Variants in DCLK2 observed in about 807,000 individuals in gnomAD.
DCLK2 encodes the protein serine/threonine-protein kinase DCLK2.
A neutral mutation model predicts 78.4 loss-of-function variants in DCLK2; 31 were observed. The observed-to-expected ratio is 0.40, with a 90% confidence interval of 0.30 to 0.53. The LOEUF (loss-of-function observed/expected upper bound fraction) is 0.53. DCLK2 is among the 20% of genes least tolerant of loss of function. The probability of loss-of-function intolerance (pLI) is 0.61; values close to 1 mark genes in which losing one functional copy is unlikely to be tolerated. For synonymous variants in DCLK2, 407 were observed against 374.9 expected, an observed-to-expected ratio of 1.09 and a Z score of -0.99; for missense variants, 872 against 973.7, an observed-to-expected ratio of 0.90 and a Z score of 1.39.
chr4:150,203,690 G>T, intron 4 of DCLK2, 105 bp from the exon 5 acceptor site: 6 of 734,684 alleles, frequency 8.2e-6, no homozygotes, highest in Non-Finnish European at 1.0e-5. Context: ...AAAACGAGTT[G>T]AAGCTTCATT....
intron 2 of DCLK2, among the ~76,000 whole-genome samples, chr4:150,189,232 T>A (rs1264531697): frequency 1.7e-5 from 1 of 60,224 alleles, no homozygotes; most frequent in Non-Finnish European, 4.7e-5. Flanking sequence ...TAGATACATT[T>A]TTATTTGGCC....
chr4:150,151,924 C>CA (rs767846412), intron 2 of DCLK2, among the ~76,000 whole-genome samples: 21,636 of 130,980 alleles, frequency 0.17, 2,155 homozygotes, highest in African/African-American at 0.33. Flanking sequence ...GGCTCTGTCT[C>CA]AAAAAAAAAA....
At chr4:150,161,120 G>T (rs1291970064) in intron 2 of DCLK2, among the ~76,000 whole-genome samples, 4 of 152,206 alleles carry the variant, frequency 2.6e-5, no homozygotes, top group African/African-American at 9.7e-5. Flanking sequence ...TATAGATTGT[G>T]AACAGGGACT....
chr4:150,189,768 G>C (rs1223602592), intron 2 of DCLK2, among the ~76,000 whole-genome samples: 2 of 151,900 alleles, frequency 1.3e-5, no homozygotes, highest in Admixed American at 6.6e-5. Context: ...GTTCCAATAG[G>C]AGAAGCCCAT....
intron 11 of DCLK2, 53 bp downstream of exon 11, chr4:150,239,928 G>A: frequency 6.3e-7 from 1 of 1,594,152 alleles, no homozygotes; most frequent in Non-Finnish European, 8.5e-7. Context: ...AGAAAGGTCT[G>A]TTTTGTTGCT....
intron 7 of DCLK2, among the ~76,000 whole-genome samples, chr4:150,223,114 C>T (rs1166237554): frequency 6.6e-6 from 1 of 152,158 alleles, no homozygotes; most frequent in Non-Finnish European, 1.5e-5. Flanking sequence ...TATATTGGTA[C>T]ACAAGATAAT....
At chr4:150,217,688 G>C (rs1740827764) in intron 5 of DCLK2, among the ~76,000 whole-genome samples, 1 of 152,300 alleles carries the variant, frequency 6.6e-6, no homozygotes, top group East Asian at 1.9e-4. Flanking sequence ...AGTGAAGAGG[G>C]AGAAAGAAAA....
intron 8 of DCLK2, among the ~76,000 whole-genome samples, chr4:150,231,376 C>A (rs1439302930): frequency 1.3e-5 from 2 of 152,236 alleles, no homozygotes; most frequent in African/African-American, 2.4e-5. Context: ...TCAAGAAACA[C>A]AACCTACCAT....
At chr4:150,240,770 A>T (rs1167596264) in intron 12 of DCLK2, among the ~76,000 whole-genome samples, 9 of 18,272 alleles carry the variant, frequency 4.9e-4, no homozygotes, top group Non-Finnish European at 3.9e-4. Flanking sequence ...AAAGAAAAAG[A>T]AAAAAAAAAA....
chr4:150,144,314 C>T (rs1199000064), intron 2 of DCLK2, among the ~76,000 whole-genome samples: 1 of 152,028 alleles, frequency 6.6e-6, no homozygotes, highest in African/African-American at 2.4e-5. Flanking sequence ...AGCCAATTTC[C>T]CCAGTACCAT....
At chr4:150,186,214 T>C (rs561831224) in intron 2 of DCLK2, among the ~76,000 whole-genome samples, 56 of 152,302 alleles carry the variant, frequency 3.7e-4, no homozygotes, top group African/African-American at 1.3e-3. Flanking sequence ...TTCTGAGATG[T>C]TATTCATACT....
chr4:150,134,071 A>G (rs1733516001), intron 2 of DCLK2, among the ~76,000 whole-genome samples: 2 of 145,474 alleles, frequency 1.4e-5, no homozygotes, highest in East Asian at 3.9e-4. Flanking sequence ...TTTTGCGTAT[A>G]AACTCTTTTT....
chr4:150,215,863 A>C (rs190595362), intron 5 of DCLK2, among the ~76,000 whole-genome samples: 2 of 152,362 alleles, frequency 1.3e-5, no homozygotes, highest in Admixed American at 1.3e-4. Context: ...TTATGACTGC[A>C]GTCAGATTAG....
chr4:150,203,964 T>G, intron 5 of DCLK2, 75 bp downstream of exon 5: 1 of 1,390,516 alleles, frequency 7.2e-7, no homozygotes, highest in Non-Finnish European at 1.0e-6. Context: ...TTTAATTTGT[T>G]TGGGGGCTTG....
intron 15 of DCLK2, among the ~76,000 whole-genome samples, chr4:150,251,910 C>T (rs1744190853): frequency 1.3e-5 from 2 of 151,908 alleles, no homozygotes; most frequent in African/African-American, 2.4e-5. Context: ...TCCCCAGCTG[C>T]TCCCCTGCCA....
chr4:150,172,257 C>T (rs986178479), intron 2 of DCLK2, among the ~76,000 whole-genome samples: 8 of 151,994 alleles, frequency 5.3e-5, no homozygotes, highest in African/African-American at 1.9e-4. Context: ...TTCTTTGTGC[C>T]CATATGCAGC....
At chr4:150,185,249 G>A (rs1437394443) in intron 2 of DCLK2, among the ~76,000 whole-genome samples, 2 of 152,100 alleles carry the variant, frequency 1.3e-5, no homozygotes, top group African/African-American at 2.4e-5. Context: ...AAAACCATCA[G>A]ATCTTGAGAG....
In DCLK2 at chr4:150,214,845, C is replaced by A. The variant is rs1237193234; in HGVS notation, c.1057-5858C>A. ...GGCGTGGTGGCACACGCCTGTAATC[C>A]CAGCTACTCGGGAGGCCAAGGCAGG... is the stretch of plus-strand genomic sequence containing the variant. On this transcript the variant is annotated intron_variant, in intron 5 of 15. Coordinates refer to ENST00000296550, the MANE Select transcript of DCLK2 (RefSeq NM_001040260.4). Among the ~76,000 whole-genome samples the A allele has an allele frequency of 2.6e-5, 4 of 151,628 alleles. No individual in the cohort carries two copies. The East Asian group carries it at 7.8e-4, about 29-fold the overall frequency.
chr4:150,220,155 T>C (rs572253951), intron 5 of DCLK2, among the ~76,000 whole-genome samples: 1 of 152,356 alleles, frequency 6.6e-6, no homozygotes, highest in South Asian at 2.1e-4. Context: ...CTCTGGACCT[T>C]GTTTTTAAAC....
Sources: allele counts gnomAD v4.1 joint callset (sites outside exome capture counted in the v4.1 genomes callset), GRCh38; gene constraint gnomAD v4.1.1; transcripts MANE v1.5; gene names NCBI Gene and HGNC (gene_info 2026-07-23, HGNC 2026-07-21).